CSMD1: variants seen among roughly 807,000 people sequenced by gnomAD.
The protein encoded by CSMD1 is CUB and sushi domain-containing protein 1.
In CSMD1, 213 loss-of-function variants were observed where a neutral mutation model predicts 417.5. The observed-to-expected ratio is 0.51, with a 90% CI of 0.46 to 0.57. The LOEUF (loss-of-function observed/expected upper bound fraction) is 0.57, where lower values mean the gene tolerates loss of function less well. CSMD1 is among the 20% of genes least tolerant of loss of function. The pLI is 0.00. For missense variants in CSMD1, 6,923 were observed against 4,529.7 expected (o/e 1.53, Z -15.17); for synonymous variants, 2,862 against 1,736.8 (o/e 1.65, Z -16.11).
At chr8:3,989,994 C>T (rs79091474) in intron 5 of CSMD1, among the ~76,000 whole-genome samples, 2 of 152,134 alleles carry the variant, frequency 1.3e-5, no homozygotes, top group East Asian at 3.9e-4. Flanking sequence ...ACAATTGGAA[C>T]ACGAGGATGT....
At chr8:4,754,923 G>C (rs1413614931) in intron 1 of CSMD1, among the ~76,000 whole-genome samples, 1 of 152,042 alleles carries the variant, frequency 6.6e-6, no homozygotes, top group South Asian at 2.1e-4. Context: ...TGGATCACAA[G>C]GTCGGGAGTT....
At chr8:4,934,542 T>C (rs1385272042) in intron 1 of CSMD1, among the ~76,000 whole-genome samples, 1 of 152,130 alleles carries the variant, frequency 6.6e-6, no homozygotes, top group Non-Finnish European at 1.5e-5. Flanking sequence ...AAGTTGCTAC[T>C]AGGAACGAGA....
chr8:3,575,164 T>G, intron 9 of CSMD1, 98 bp from the exon 10 acceptor site: 2 of 1,027,390 alleles, frequency 1.9e-6, no homozygotes, highest in South Asian at 2.0e-5. Context: ...TATTATCTAA[T>G]CACAGTAAAA....
chr8:4,894,104 G>C (rs946319052), intron 1 of CSMD1, among the ~76,000 whole-genome samples: 8 of 151,902 alleles, frequency 5.3e-5, no homozygotes, highest in Non-Finnish European at 1.0e-4. Context: ...TCTTCATATA[G>C]GCCTGCGCAC....
At position 3,087,290 on chromosome 8, in the gene CSMD1, G is replaced by A. The variant is rs766571961; in HGVS notation, c.7286-5C>T. 2.6e-5 allele frequency: 42 copies of A among 1,612,532 alleles called. No homozygotes were observed. Among genetic ancestry groups the A allele is most frequent in the Non-Finnish European group, 3.5e-5 (41 of 1,178,854 alleles). ...GGGTCAAACTGCAGTAAGGTGCTGT[G>A]GGCAGACAGACACACACAGAAATAA... On this transcript the variant is annotated splice_polypyrimidine_tract_variant and splice_region_variant and intron_variant, in intron 48 of 69. Transcript: ENST00000635120.
rs117656258 is a variant in CSMD1, at chr8:4,898,312, C to G, written c.85+96020G>C. Among the ~76,000 whole-genome samples the G allele has an allele frequency of 1.8e-3, 278 of 152,224 alleles. 4 individuals carry two copies. Among genetic ancestry groups the G allele is most frequent in the East Asian group, 4.3e-3 (22 of 5,170 alleles). ...TTTTGTATTTTTCCAAGACACCTGT[C>G]ATCTTTGACAGGGTCCATTAGATTT... is the stretch of plus-strand genomic sequence containing the variant. On this transcript the variant is annotated intron_variant, in intron 1 of 69. Coordinates refer to ENST00000635120, the MANE Select transcript of CSMD1 (RefSeq NM_033225.6).
chr8:4,788,269 G>A (rs999663838), intron 1 of CSMD1: 4 of 1,586,594 alleles, frequency 2.5e-6, no homozygotes, highest in Non-Finnish European at 3.4e-6. Flanking sequence ...GAAAGGGATG[G>A]CATTCCTACT....
At position 3,932,333 on chromosome 8, in the gene CSMD1, C is replaced by A. The variant is rs1321614360; in HGVS notation, c.818+65570G>T. On this transcript the variant is annotated intron_variant, in intron 5 of 69. Coordinates refer to ENST00000635120, the MANE Select transcript of CSMD1 (RefSeq NM_033225.6). ...ATGTGCTCATGGTCTTTAAACTTTCCCCATTTATTCTGCGACTAGAGGAAT... is the reference window on the plus strand; with the variant it reads ...ATGTGCTCATGGTCTTTAAACTTTCACCATTTATTCTGCGACTAGAGGAAT... Among the ~76,000 whole-genome samples, 5 of 150,456 alleles carry A rather than the reference C, an allele frequency of 3.3e-5. 1 individual carries two copies. The highest frequency in any genetic ancestry group is 1.2e-4 in the African/African-American group (5 of 40,780).
At chr8:3,513,647 G>T (rs1436217301) in intron 10 of CSMD1, among the ~76,000 whole-genome samples, 1 of 152,134 alleles carries the variant, frequency 6.6e-6, no homozygotes, top group Non-Finnish European at 1.5e-5. Context: ...CATCATCTAA[G>T]ACAGTCTACC....
intron 50 of CSMD1, among the ~76,000 whole-genome samples, chr8:3,041,309 A>C (rs1397778821): frequency 6.6e-6 from 1 of 152,186 alleles, no homozygotes; most frequent in Non-Finnish European, 1.5e-5. Flanking sequence ...TTTTCTTTAC[A>C]GCATTATATT....
At chr8:3,668,184 T>C (rs559707345) in intron 7 of CSMD1, among the ~76,000 whole-genome samples, 1 of 152,262 alleles carries the variant, frequency 6.6e-6, no homozygotes, top group African/African-American at 2.4e-5. Flanking sequence ...CTCTGAGATA[T>C]GTTTCCCAGC....
Position 4,155,873 on chromosome 8 carries a change from C to G in CSMD1, c.416-123774G>C, listed in dbSNP as rs1197515912. 1.1e-4 allele frequency among the ~76,000 whole-genome samples: 16 copies of G among 152,212 alleles called. No individual in the cohort carries two copies. The South Asian group carries it at 2.7e-3, about 26-fold the overall frequency. On this transcript the variant is annotated intron_variant, in intron 3 of 69. Transcript: ENST00000635120. ...AAATGAAACAACAAAAAAGTGCCAT[C>G]CTATAGCCCTCTCTGTTCCCAGTAA...
chr8:4,316,470 T>A (rs1215111813), intron 3 of CSMD1, among the ~76,000 whole-genome samples: 2 of 152,294 alleles, frequency 1.3e-5, no homozygotes, highest in East Asian at 3.9e-4. Context: ...CTTTCGATGC[T>A]GAAAACCTCA....
At chr8:3,161,198 T>C (rs953824444) in intron 38 of CSMD1, among the ~76,000 whole-genome samples, 4 of 152,208 alleles carry the variant, frequency 2.6e-5, no homozygotes, top group African/African-American at 9.6e-5. Context: ...TGCTAAGTGA[T>C]AGACACTATT....
intron 5 of CSMD1, among the ~76,000 whole-genome samples, chr8:3,781,761 C>A (rs557729552): frequency 1.8e-4 from 28 of 152,274 alleles, no homozygotes; most frequent in Non-Finnish European, 3.2e-4. Context: ...ATAGAGACAA[C>A]AGAGGGCTTA....
At chr8:4,828,812 G>A (rs1290081825) in intron 1 of CSMD1, among the ~76,000 whole-genome samples, 1 of 152,096 alleles carries the variant, frequency 6.6e-6, no homozygotes, top group African/African-American at 2.4e-5. Context: ...CAGAAGTACT[G>A]TTGTGAAGAA....
chr8:3,799,337 G>A (rs1266396048), intron 5 of CSMD1, among the ~76,000 whole-genome samples: 1 of 150,792 alleles, frequency 6.6e-6, no homozygotes, highest in East Asian at 2.0e-4. Context: ...ATGCTGGTGT[G>A]CTGCACCCAT....
intron 2 of CSMD1, among the ~76,000 whole-genome samples, chr8:4,463,016 G>C (rs775933841): frequency 3.3e-5 from 5 of 152,124 alleles, no homozygotes; most frequent in Non-Finnish European, 4.4e-5. Context: ...AAGATCTATA[G>C]AATAGGGAAA....
intron 5 of CSMD1, among the ~76,000 whole-genome samples, chr8:3,850,003 C>T (rs930911867): frequency 3.0e-4 from 39 of 128,238 alleles, no homozygotes; most frequent in East Asian, 2.4e-4. Context: ...TTTAGTTTCA[C>T]GATGTTGGTC....
Sources: gnomAD v4.1 joint callset for allele counts (sites outside exome capture counted in the v4.1 genomes callset) on GRCh38, gnomAD v4.1.1 for gene constraint, MANE v1.5 for transcripts, NCBI Gene and HGNC (gene_info 2026-07-23, HGNC 2026-07-21) for gene names.